The following WDR27 variants were observed in gnomAD, a reference collection of about 807,000 sequenced individuals.
WDR27 encodes the protein WD repeat domain 27, also known as WD repeat-containing protein 27.
WDR27 carries 100 observed loss-of-function variants against 114.4 expected under a neutral mutation model. The ratio of observed to expected loss-of-function variants is 0.87; its 90% CI spans 0.74 to 1.03. The LOEUF is 1.03. Ranked by LOEUF, WDR27 falls within the 50% of genes least tolerant of loss-of-function variation. The pLI is 0.00. For missense variants in WDR27, 1,129 were observed against 1,092.9 expected (o/e 1.03, Z -0.47); for synonymous variants, 449 against 423.1 (o/e 1.06, Z -0.75).
chr6:169,699,611 C>T (rs1787290798), intron 1 of WDR27, among the ~76,000 whole-genome samples: 1 of 152,146 alleles, frequency 6.6e-6, no homozygotes, highest in Non-Finnish European at 1.5e-5. Context: ...TGAGCTATGG[C>T]AGCCTTCCAA....
chr6:169,625,435 G>A (rs1814555127), intron 21 of WDR27, among the ~76,000 whole-genome samples: 1 of 152,242 alleles, frequency 6.6e-6, no homozygotes, highest in Non-Finnish European at 1.5e-5. Flanking sequence ...CTGGGGTGGT[G>A]GTGGAGACTG....
At chr6:169,637,515 G>C (rs1481150666) in intron 18 of WDR27, among the ~76,000 whole-genome samples, 1 of 151,656 alleles carries the variant, frequency 6.6e-6, no homozygotes, top group Non-Finnish European at 1.5e-5. Context: ...GTAAGTGTAT[G>C]TGTATGCATC....
chr6:169,557,659 T>A (rs1799107699), intron 25 of WDR27, among the ~76,000 whole-genome samples: 1 of 152,174 alleles, frequency 6.6e-6, no homozygotes, highest in Non-Finnish European at 1.5e-5. Context: ...AAGCTGGGCA[T>A]GGTGGCCCAC....
chr6:169,574,110 C>T (rs1801877810), intron 24 of WDR27, among the ~76,000 whole-genome samples: 1 of 152,290 alleles, frequency 6.6e-6, no homozygotes, highest in Admixed American at 6.5e-5. Flanking sequence ...GCATGTGGCG[C>T]GCAGCTGCAG....
At chr6:169,572,047 A>G (rs1007894506) in intron 25 of WDR27, among the ~76,000 whole-genome samples, 8 of 152,190 alleles carry the variant, frequency 5.3e-5, no homozygotes, top group African/African-American at 9.6e-5. Flanking sequence ...AAAATTTTCT[A>G]GGCCTAAGGT....
intron 25 of WDR27, among the ~76,000 whole-genome samples, chr6:169,478,851 G>A (rs556977695): frequency 2.0e-5 from 3 of 152,276 alleles, no homozygotes; most frequent in Admixed American, 1.3e-4. Flanking sequence ...TGGAATAACT[G>A]GCTAGCCATA....
At chr6:169,624,081 C>T (rs895772861) in intron 21 of WDR27, among the ~76,000 whole-genome samples, 2 of 150,010 alleles carry the variant, frequency 1.3e-5, no homozygotes, top group Admixed American at 6.6e-5. Context: ...TCAGGTGTGC[C>T]GTGTGCAGCA....
At chr6:169,532,771 C>A (rs17640987) in intron 25 of WDR27, among the ~76,000 whole-genome samples, 1 of 151,478 alleles carries the variant, frequency 6.6e-6, no homozygotes, top group Non-Finnish European at 1.5e-5. Context: ...CAATTGCAAC[C>A]TCTGGCTTCT....
At chr6:169,567,335 C>T (rs143520396) in intron 25 of WDR27, among the ~76,000 whole-genome samples, 8 of 152,286 alleles carry the variant, frequency 5.3e-5, no homozygotes, top group Non-Finnish European at 1.0e-4. Context: ...AGACGGTCTG[C>T]GTGGCAGAAC....
In WDR27 at chr6:169,651,186, G is replaced by C. The variant is rs1326471041; in HGVS notation, c.1481+744C>G. ...CCTGGAGCACAGCAGTGCGGGGCGG[G>C]GGGGGGGAGTGGGGGAGTGGGGGAG... On this transcript the variant is annotated intron_variant, in intron 14 of 25. Coordinates refer to ENST00000448612, the MANE Select transcript of WDR27 (RefSeq NM_182552.5). 1.9e-4 allele frequency among the ~76,000 whole-genome samples: 22 copies of C among 114,340 alleles called. 1 individual carries two copies. Among genetic ancestry groups the C allele is most frequent in the South Asian group, 1.3e-3 (4 of 3,122 alleles). The allele number at this position is 114,340 out of a possible 152,430, so 75.0% of individuals were successfully genotyped here.
At chr6:169,525,031 G>A (rs1794788282) in intron 25 of WDR27, among the ~76,000 whole-genome samples, 1 of 151,966 alleles carries the variant, frequency 6.6e-6, no homozygotes, top group Non-Finnish European at 1.5e-5. Context: ...TTATCTATCT[G>A]ACAAGGAATT....
chr6:169,428,608 AG>A, the WDR27 span, among the ~76,000 whole-genome samples: 2,712 of 114,496 alleles, frequency 0.024, 31 homozygotes, highest in East Asian at 0.091. Context: ...GGCGGGGGGG[AG>A]GGGGGGGTTC....
At chr6:169,673,852 T>C (rs1779405834) in intron 2 of WDR27, among the ~76,000 whole-genome samples, 1 of 152,200 alleles carries the variant, frequency 6.6e-6, no homozygotes, top group African/African-American at 2.4e-5. Flanking sequence ...GGATTTTAAG[T>C]AAATGTCTGC....
intron 23 of WDR27, among the ~76,000 whole-genome samples, chr6:169,597,484 C>T (rs1562657851): frequency 1.3e-5 from 2 of 152,124 alleles, no homozygotes; most frequent in African/African-American, 4.8e-5. Context: ...GAAAAGACTT[C>T]CTTACTATAA....
the WDR27 span, among the ~76,000 whole-genome samples, chr6:169,429,841 G>A: frequency 6.6e-6 from 1 of 152,174 alleles, no homozygotes; most frequent in Non-Finnish European, 1.5e-5. Flanking sequence ...TACAGTTGAG[G>A]TGCCCTGGCC....
chr6:169,653,428 ATATCT>A (rs1362491884), intron 13 of WDR27, among the ~76,000 whole-genome samples: 1 of 152,252 alleles, frequency 6.6e-6, no homozygotes, highest in Admixed American at 6.5e-5. Flanking sequence ...TATTTTATAC[ATATCT>A]TATAATGAAA....
intron 25 of WDR27, among the ~76,000 whole-genome samples, chr6:169,565,967 A>G (rs1322798685): frequency 6.6e-6 from 1 of 152,234 alleles, no homozygotes; most frequent in Non-Finnish European, 1.5e-5. Context: ...TTAACTGATA[A>G]TTATGAGCTC....
the WDR27 span, among the ~76,000 whole-genome samples, chr6:169,435,084 T>C: frequency 6.6e-6 from 1 of 152,330 alleles, no homozygotes; most frequent in African/African-American, 2.4e-5. Flanking sequence ...AGGCATAGCT[T>C]AGGCCATGAC....
At position 169,562,656 on chromosome 6, in the gene WDR27, G is replaced by A. The variant is rs73790013; in HGVS notation, c.2645+9763C>T. Reference sequence around the variant, plus strand: ...GTGAGTGCCCCGGGCACAGGATAGGGGAGATTGGAGGGGACATGGGGAGGG... The same window carrying A: ...GTGAGTGCCCCGGGCACAGGATAGGAGAGATTGGAGGGGACATGGGGAGGG... On this transcript the variant is annotated intron_variant, in intron 25 of 25. Transcript: ENST00000448612. Among the ~76,000 whole-genome samples the A allele has an allele frequency of 5.6e-3, 860 of 152,274 alleles. 11 individuals are homozygous for A. Among genetic ancestry groups the A allele is most frequent in the African/African-American group, 0.02 (826 of 41,542 alleles).
Sources: gnomAD v4.1 joint callset for allele counts (sites outside exome capture counted in the v4.1 genomes callset) on GRCh38, gnomAD v4.1.1 for gene constraint, MANE v1.5 for transcripts, NCBI Gene and HGNC (gene_info 2026-07-23, HGNC 2026-07-21) for gene names.